The following DSCAML1 variants were observed in gnomAD, a reference collection of about 807,000 sequenced individuals.
DSCAML1 encodes the protein cell adhesion molecule DSCAML1.
DSCAML1 carries 38 observed loss-of-function variants against 200.5 expected under a neutral mutation model. The observed-to-expected ratio is 0.19, with a 90% CI of 0.15 to 0.25. DSCAML1 has a LOEUF of 0.25. Ranked by LOEUF, DSCAML1 falls within the 10% of genes least tolerant of loss-of-function variation. The pLI, the probability that DSCAML1 is intolerant of heterozygous loss-of-function variation, is 1.00. For missense variants in DSCAML1, 2,223 were observed against 2,858.8 expected, an observed-to-expected ratio of 0.78 and a Z score of 5.07; for synonymous variants, 1,215 against 1,165.0, an observed-to-expected ratio of 1.04 and a Z score of -0.87.
intron 3 of DSCAML1, among the ~76,000 whole-genome samples, chr11:117,599,819 C>A (rs1369341074): frequency 1.3e-5 from 2 of 152,212 alleles, no homozygotes; most frequent in Admixed American, 6.5e-5. Flanking sequence ...CACGCTTACT[C>A]ACTCAGAGAC....
chr11:117,428,929 G>A, intron 32 of DSCAML1, 126 bp from the exon 33 acceptor site: 1 of 826,772 alleles, frequency 1.2e-6, no homozygotes, highest in South Asian at 1.7e-5. Context: ...CCTCCACTGG[G>A]GGGCAATAAA....
chr11:117,439,146 A>C, intron 23 of DSCAML1, 120 bp downstream of exon 23: 2 of 1,434,736 alleles, frequency 1.4e-6, no homozygotes, highest in Non-Finnish European at 1.9e-6. Context: ...CTGTTTCTCC[A>C]GAGGTCTGTC....
chr11:117,544,009 T>A (rs772494419), intron 3 of DSCAML1, among the ~76,000 whole-genome samples: 3 of 152,016 alleles, frequency 2.0e-5, no homozygotes, highest in Non-Finnish European at 2.9e-5. Context: ...GCAAGGAAGG[T>A]CCCAGTAGGC....
At chr11:117,772,107 G>A (rs1459131326) in intron 3 of DSCAML1, among the ~76,000 whole-genome samples, 3 of 152,094 alleles carry the variant, frequency 2.0e-5, no homozygotes, top group Admixed American at 1.3e-4. Flanking sequence ...GAAGTGTAAG[G>A]GACAAAAGAG....
intron 3 of DSCAML1, among the ~76,000 whole-genome samples, chr11:117,699,274 G>A (rs919149687): frequency 2.6e-5 from 4 of 152,194 alleles, no homozygotes; most frequent in African/African-American, 9.7e-5. Context: ...GGGAGCTCTG[G>A]CCTTGGTGGC....
chr11:117,602,567 C>T (rs553277377), intron 3 of DSCAML1, among the ~76,000 whole-genome samples: 40 of 152,124 alleles, frequency 2.6e-4, no homozygotes, highest in Middle Eastern at 3.4e-3. Flanking sequence ...CACCATGTTG[C>T]CCAGGCTGGT....
At chr11:117,579,379 T>G (rs539968574) in intron 3 of DSCAML1, among the ~76,000 whole-genome samples, 20 of 152,344 alleles carry the variant, frequency 1.3e-4, no homozygotes, top group Non-Finnish European at 2.5e-4. Context: ...GATGCCACTC[T>G]GGGTACTCCA....
At chr11:117,597,573 T>C (rs548268840) in intron 3 of DSCAML1, among the ~76,000 whole-genome samples, 1 of 152,344 alleles carries the variant, frequency 6.6e-6, no homozygotes, top group East Asian at 1.9e-4. Context: ...CTCAGCCTCC[T>C]GAGTAGCTGG....
At chr11:117,443,572 C>T (rs996802785) in intron 21 of DSCAML1, among the ~76,000 whole-genome samples, 1 of 152,216 alleles carries the variant, frequency 6.6e-6, no homozygotes, top group Non-Finnish European at 1.5e-5. Context: ...GACAAAGGCC[C>T]GGCTTTGAAT....
intron 15 of DSCAML1, 82 bp downstream of exon 15, chr11:117,471,787 G>T: frequency 1.3e-6 from 2 of 1,487,452 alleles, no homozygotes; most frequent in Non-Finnish European, 1.8e-6. Flanking sequence ...CAAGCTCATT[G>T]CCAGTGAACA....
chr11:117,810,841 T>A (rs983055342), intron 1 of DSCAML1, among the ~76,000 whole-genome samples: 3 of 152,212 alleles, frequency 2.0e-5, no homozygotes, highest in Non-Finnish European at 4.4e-5. Flanking sequence ...CTAGTCTCTG[T>A]GCCCAGTGCA....
intron 3 of DSCAML1, among the ~76,000 whole-genome samples, chr11:117,603,367 A>G (rs890753430): frequency 6.6e-6 from 1 of 152,188 alleles, no homozygotes; most frequent in Admixed American, 6.5e-5. Flanking sequence ...CCACGTGTAA[A>G]TCACATGGTG....
chr11:117,781,071 C>T (rs2055250937), intron 1 of DSCAML1, among the ~76,000 whole-genome samples: 1 of 151,968 alleles, frequency 6.6e-6, no homozygotes, highest in African/African-American at 2.4e-5. Flanking sequence ...CCGAGGCGGG[C>T]GGATCACCTG....
At chr11:117,471,823 C>A in intron 15 of DSCAML1, 46 bp downstream of exon 15, 1 of 1,578,342 alleles carries the variant, frequency 6.3e-7, no homozygotes, top group South Asian at 1.2e-5. Context: ...CCTGGTGGTC[C>A]TGATCCCTGA....
chr11:117,447,629 AC>A (rs1439904542), intron 20 of DSCAML1, among the ~76,000 whole-genome samples: 2 of 152,200 alleles, frequency 1.3e-5, no homozygotes, highest in Non-Finnish European at 2.9e-5. Flanking sequence ...TAAAATGTCT[AC>A]CAGGATTCAG....
intron 3 of DSCAML1, among the ~76,000 whole-genome samples, chr11:117,720,427 G>A (rs1423291491): frequency 6.6e-6 from 1 of 152,098 alleles, no homozygotes; most frequent in Non-Finnish European, 1.5e-5. Flanking sequence ...GGAGGGGAGG[G>A]AGCCGAGGGC....
Position 117,645,025 on chromosome 11 carries a change from A to T in DSCAML1, c.512-112503T>A, listed in dbSNP as rs369758910. Reference sequence around the variant, plus strand: ...CCCGGTGTGGGGCCCACGCTCCCCGAGGTGGGATGACCAGGCTCAGTAAAG... The same window carrying T: ...CCCGGTGTGGGGCCCACGCTCCCCGTGGTGGGATGACCAGGCTCAGTAAAG... On this transcript the variant is annotated intron_variant, in intron 3 of 32. Coordinates refer to ENST00000651296, the MANE Select transcript of DSCAML1 (RefSeq NM_020693.4). Among the ~76,000 whole-genome samples, 5 of 152,250 alleles carry T rather than the reference A, an allele frequency of 3.3e-5. No homozygotes were observed. The East Asian group carries it at 9.6e-4, about 29-fold the overall frequency.
At chr11:117,699,080 A>T (rs2053628533) in intron 3 of DSCAML1, among the ~76,000 whole-genome samples, 2 of 152,230 alleles carry the variant, frequency 1.3e-5, no homozygotes, top group East Asian at 3.8e-4. Flanking sequence ...TGCCTGGGTT[A>T]CATCCCTCCA....
chr11:117,449,242 G>A (rs1241144913), intron 20 of DSCAML1, among the ~76,000 whole-genome samples: 1 of 152,182 alleles, frequency 6.6e-6, no homozygotes, highest in African/African-American at 2.4e-5. Flanking sequence ...GGGATTCAGG[G>A]TGTTGTAATG....
Sources: allele counts gnomAD v4.1 joint callset (sites outside exome capture counted in the v4.1 genomes callset), GRCh38; gene constraint gnomAD v4.1.1; transcripts MANE v1.5; gene names NCBI Gene and HGNC (gene_info 2026-07-23, HGNC 2026-07-21).